The following ZNF8 variants were observed in gnomAD, a reference collection of about 807,000 sequenced individuals.
ZNF8 encodes the protein zinc finger protein 272.
In ZNF8, 9 loss-of-function variants were observed where a neutral mutation model predicts 12.2. The ratio of observed to expected loss-of-function variants is 0.73; its 90% CI spans 0.44 to 1.28. The LOEUF is 1.28. ZNF8 is among the 50% of genes most tolerant of loss of function. ZNF8 has a pLI of 0.00. For missense variants in ZNF8, 664 were observed against 729.1 expected, an observed-to-expected ratio of 0.91 and a Z score of 1.03; for synonymous variants, 274 against 282.3, an observed-to-expected ratio of 0.97 and a Z score of 0.30.
chr19:58,290,275 T>C (rs1600457451), intron 3 of ZNF8, among the ~76,000 whole-genome samples: 1 of 147,634 alleles, frequency 6.8e-6, no homozygotes, highest in Non-Finnish European at 1.5e-5. Context: ...TGCACCCGGC[T>C]AATTTTTTTT....
rs3745141 is a variant in ZNF8, at chr19:58,301,291, C to T, written c.*5755C>T. On this transcript the variant is annotated 3_prime_UTR_variant, in exon 4 of 4. Transcript: ENST00000621650. Reference sequence around the variant, plus strand: ...CAGTCTTCTTGACCTCTCCCCTTCCCCACTCCATGGAGTTAGAGGTCCTGT... The same window carrying T: ...CAGTCTTCTTGACCTCTCCCCTTCCTCACTCCATGGAGTTAGAGGTCCTGT... 0.21 allele frequency: 31,249 copies of T among 152,174 alleles called. 3,330 individuals are homozygous for T. The highest frequency in any genetic ancestry group is 0.3 in the East Asian group (1,556 of 5,166). 9.4% of individuals were successfully genotyped at this position (152,174 alleles called of 1,614,324 possible). A position where few individuals can be genotyped will look rare whatever the true frequency, so the allele number is the denominator to read the frequency against.
At position 58,300,621 on chromosome 19, in the gene ZNF8, C is replaced by T. The variant is rs945510251; in HGVS notation, c.*5085C>T. On this transcript the variant is annotated 3_prime_UTR_variant, in exon 4 of 4. Transcript: ENST00000621650. ...GAAGTGGATGATGGAGGCAGCTAGC[C>T]GTAGCTGCTGCTTTTCTCTTCAAGC... 9 of 152,062 alleles carry T rather than the reference C, an allele frequency of 5.9e-5. No homozygotes were observed. Among genetic ancestry groups the T allele is most frequent in the African/African-American group, 1.9e-4 (8 of 41,330 alleles). 9.4% of individuals were successfully genotyped at this position (152,062 alleles called of 1,614,324 possible). A position where few individuals can be genotyped will look rare whatever the true frequency, so the allele number is the denominator to read the frequency against.
rs556999908 is a variant in ZNF8 at position 58,295,838 on chromosome 19, A to G, written c.*302A>G. On this transcript the variant is annotated 3_prime_UTR_variant, in exon 4 of 4. Coordinates refer to ENST00000621650, the MANE Select transcript of ZNF8 (RefSeq NM_021089.3). ...AATATGCGGCCCCATTTTGTAAAGG[A>G]TCATTAAAATGAAAGTAATTTATGG... is the stretch of plus-strand genomic sequence containing the variant. 28 of 317,510 alleles carry G rather than the reference A, an allele frequency of 8.8e-5. No homozygotes were observed. Among genetic ancestry groups the G allele is most frequent in the African/African-American group, 5.6e-4 (26 of 46,496 alleles). 19.7% of individuals were successfully genotyped at this position (317,510 alleles called of 1,614,324 possible).
At chr19:58,280,102 C>T (rs1243069960) in intron 1 of ZNF8, 1 of 325,292 alleles carries the variant, frequency 3.1e-6, no homozygotes, top group Non-Finnish European at 5.9e-6. Flanking sequence ...TTACCTGTTG[C>T]TGTGTAACTC....
chr19:58,295,898 G>A lies in ZNF8; in HGVS notation c.*362G>A. ...TTGTAGAGTAACGTGTACTGACTTG[G>A]TGCAGTATTTCTCCTTGTCACTGTG... is the stretch of plus-strand genomic sequence containing the variant. On this transcript the variant is annotated 3_prime_UTR_variant, in exon 4 of 4. Coordinates refer to ENST00000621650, the MANE Select transcript of ZNF8 (RefSeq NM_021089.3). 2 of 204,696 alleles carry A rather than the reference G, an allele frequency of 9.8e-6. No individual in the cohort carries two copies. The highest frequency in any genetic ancestry group is 2.0e-5 in the Non-Finnish European group (2 of 101,082). 12.7% of individuals were successfully genotyped at this position (204,696 alleles called of 1,614,324 possible). A position where few individuals can be genotyped will look rare whatever the true frequency, so the allele number is the denominator to read the frequency against.
rs746826937 is a variant in ZNF8, at chr19:58,294,258, C to G, written c.450C>G (p.Leu150=). 6.2e-7 allele frequency: 1 copy of G among 1,614,020 alleles called. No homozygotes were observed. The stretch of plus-strand genomic sequence containing the variant: ...AGTGTCAGAGCCAGAGTCTGGCACT[C>G]AAGGAGCAGAATAACTTGAAGCAGT... The part of the protein sequence containing the change: ...DRECQSQSLA[L]KEQNNLKQLE... The change falls in exon 4 of 4, where the codon CTC becomes CTG. Residue 150 remains leucine, a synonymous_variant. Coordinates refer to ENST00000621650, the MANE Select transcript of ZNF8 (RefSeq NM_021089.3). The surrounding 1 kb of genome is among the most constrained non-coding windows in gnomAD (Gnocchi z 5.5).
Position 58,299,993 on chromosome 19 carries a change from T to C in ZNF8, c.*4457T>C, listed in dbSNP as rs2051481831. 1 of 152,250 alleles carries C rather than the reference T, an allele frequency of 6.6e-6. No individual in the cohort carries two copies. The highest frequency in any genetic ancestry group is 1.5e-5 in the Non-Finnish European group (1 of 68,094). The allele number at this position is 152,250 out of a possible 1,614,324, so 9.4% of individuals were successfully genotyped here. Reference sequence around the variant, plus strand: ...AAAACGTTGCCGTGTCAGCTCTCACTTTTCACAGCAACTCTGGCCTCCTAC... The same window carrying C: ...AAAACGTTGCCGTGTCAGCTCTCACCTTTCACAGCAACTCTGGCCTCCTAC... On this transcript the variant is annotated 3_prime_UTR_variant, in exon 4 of 4. Transcript: ENST00000621650.
intron 1 of ZNF8, among the ~76,000 whole-genome samples, chr19:58,283,994 G>A (rs762738922): frequency 6.6e-6 from 1 of 152,136 alleles, no homozygotes; most frequent in Non-Finnish European, 1.5e-5. Flanking sequence ...AGGACAAGGC[G>A]AGAGGATCAC....
intron 1 of ZNF8, chr19:58,279,977 T>G (rs1046306853): frequency 1.3e-6 from 1 of 795,704 alleles, no homozygotes; most frequent in Non-Finnish European, 1.7e-6. Context: ...TTGCAGGTTT[T>G]CAGATGTGTG....
rs758738706 is a variant in ZNF8 at position 58,295,520 on chromosome 19, T to A, written c.1712T>A (p.Ile571Asn). 6.2e-7 allele frequency: 1 copy of A among 1,601,818 alleles called. No individual in the cohort carries two copies. The highest frequency in any genetic ancestry group is 2.2e-5 in the East Asian group (1 of 44,690). ...PSVGASMLFD[I>N]REST ...GTGGGTGCTTCCATGTTATTTGACA[T>A]CAGAGAATCCACATAGGAGAGAAAC... is the stretch of plus-strand genomic sequence containing the variant. Residue 571 changes from isoleucine to asparagine, a missense_variant, in exon 4 of 4, where the codon ATC becomes AAC. This residue lies in a region of ZNF8 where 225 missense variants were observed against 222.0 expected (regional missense o/e 1.01). Transcript: ENST00000621650.
At chr19:58,286,533 G>A (rs1323358033) in intron 3 of ZNF8, 2 of 243,554 alleles carry the variant, frequency 8.2e-6, no homozygotes, top group African/African-American at 4.5e-5. Flanking sequence ...CTTGTTAAGA[G>A]ACTCAGTGCT....
rs981680452 is a variant in ZNF8 at position 58,279,055 on chromosome 19, G to A, written c.-27G>A. ...CTCTCTGGTCTGGGGATCACCTCAG[G>A]CGCTGTCCTTCACTGGGCGATCCAG... On this transcript the variant is annotated 5_prime_UTR_variant, in exon 1 of 4. Coordinates refer to ENST00000621650, the MANE Select transcript of ZNF8 (RefSeq NM_021089.3). 3 of 1,454,912 alleles carry A rather than the reference G, an allele frequency of 2.1e-6. No homozygotes were observed. The Admixed American group carries it at 7.6e-5, about 37-fold the overall frequency. 90.1% of individuals were successfully genotyped at this position (1,454,912 alleles called of 1,614,324 possible).
At chr19:58,287,300 A>G (rs530090905) in intron 3 of ZNF8, among the ~76,000 whole-genome samples, 2 of 150,118 alleles carry the variant, frequency 1.3e-5, no homozygotes, top group East Asian at 3.9e-4. Flanking sequence ...TGGCCTCCCA[A>G]AGTGCTGGGA....
chr19:58,282,190 G>GGT (rs1282975432), intron 1 of ZNF8, among the ~76,000 whole-genome samples: 2 of 152,086 alleles, frequency 1.3e-5, no homozygotes, highest in African/African-American at 4.8e-5. Context: ...CAACACTGGT[G>GGT]GTGTATAGTT....
At chr19:58,279,750 G>T (rs540157982) in intron 1 of ZNF8, 1 of 1,503,738 alleles carries the variant, frequency 6.7e-7, no homozygotes, top group Non-Finnish European at 8.9e-7. Flanking sequence ...TGTTTGCAGG[G>T]CCATCTGGCC....
At chr19:58,289,134 C>T (rs1020970607) in intron 3 of ZNF8, among the ~76,000 whole-genome samples, 1 of 152,118 alleles carries the variant, frequency 6.6e-6, no homozygotes, top group African/African-American at 2.4e-5. Context: ...ACATATTTTC[C>T]ATGTAATGCT....
intron 1 of ZNF8, chr19:58,280,127 T>C: frequency 3.2e-6 from 1 of 316,766 alleles, no homozygotes; most frequent in South Asian, 2.5e-5. Flanking sequence ...CTTCGTGACC[T>C]GGAACAACAA....
Position 58,294,183 on chromosome 19 carries a change from AGGATTCCCGACAGATGCTCCT to A in ZNF8, c.376_396del (p.Gly126_Pro132del). The A allele has an allele frequency of 6.2e-7, 1 of 1,614,122 alleles. No individual in the cohort carries two copies. Among genetic ancestry groups the A allele is most frequent in the Non-Finnish European group, 8.5e-7 (1 of 1,179,972 alleles). On this transcript the variant is annotated inframe_deletion, in exon 4 of 4. Transcript: ENST00000621650. The surrounding 1 kb of genome is among the most constrained non-coding windows in gnomAD (Gnocchi z 5.5). ...AGCCATCCCATGTCACGGGAAGGGA[AGGATTCCCGACAGATGCTCCT>A]TATCCCACCACGTTAGGGAAAGACA... is the stretch of plus-strand genomic sequence containing the variant.
At position 58,294,153 on chromosome 19, in the gene ZNF8, A is replaced by G; in HGVS notation, c.345A>G (p.Glu115=). 2 of 1,613,486 alleles carry G rather than the reference A, an allele frequency of 1.2e-6. No individual in the cohort carries two copies. Among genetic ancestry groups the G allele is most frequent in the Non-Finnish European group, 1.7e-6 (2 of 1,179,422 alleles). Residue 115 remains glutamate, a synonymous_variant, in exon 4 of 4, where the codon GAA becomes GAG. Transcript: ENST00000621650. This position sits in a 1 kb window ranked among gnomAD's most constrained non-coding sequence, Gnocchi z 5.5. ...QASRKEEGLP[E]EEPSHVTGRE... ...CACGCAAGGAAGAGGGCCTGCCTGAAGAGGAGCCATCCCATGTCACGGGAA... is the reference window on the plus strand; with the variant it reads ...CACGCAAGGAAGAGGGCCTGCCTGAGGAGGAGCCATCCCATGTCACGGGAA...
Sources: gnomAD v4.1 joint callset for allele counts (sites outside exome capture counted in the v4.1 genomes callset) on GRCh38, gnomAD v4.1.1 for gene constraint, gnomAD v4.1.1 regional missense constraint, Gnocchi (gnomAD v3.1) non-coding constraint, MANE v1.5 for transcripts, NCBI Gene and HGNC (gene_info 2026-07-23, HGNC 2026-07-21) for gene names.